The following GRID2IP variants were observed in gnomAD, a reference collection of about 807,000 sequenced individuals.
GRID2IP encodes delphilin.
Under a neutral mutation model 114.3 loss-of-function variants are expected in GRID2IP, and 78 were observed. The ratio of observed to expected loss-of-function variants is 0.68; its 90% CI spans 0.57 to 0.82. GRID2IP has a LOEUF of 0.82. Among genes scored for constraint, GRID2IP ranks in the 40% least tolerant of loss-of-function variants. The probability of loss-of-function intolerance (pLI) is 0.00; values close to 1 mark genes in which losing one functional copy is unlikely to be tolerated. For missense variants in GRID2IP, 1,727 were observed against 1,678.5 expected (o/e 1.03, Z -0.51); for synonymous variants, 809 against 724.0 (o/e 1.12, Z -1.89).
chr7:6,510,578 G>A, intron 10 of GRID2IP, 31 bp downstream of exon 10: 1 of 1,476,072 alleles, frequency 6.8e-7, no homozygotes, highest in Non-Finnish European at 9.1e-7. Context: ...GCCCCCTACT[G>A]ACCCCACGTG....
chr7:6,548,841 CAAA>C (rs60120996), intron 1 of GRID2IP, among the ~76,000 whole-genome samples: 7 of 106,032 alleles, frequency 6.6e-5, no homozygotes, highest in Admixed American at 9.7e-5. Flanking sequence ...GACTCTGCCT[CAAA>C]AAAAAAAAAA....
intron 2 of GRID2IP, among the ~76,000 whole-genome samples, chr7:6,529,242 GGA>G (rs1248756277): frequency 1.3e-5 from 2 of 152,144 alleles, no homozygotes; most frequent in African/African-American, 4.8e-5. Flanking sequence ...CCTGAGGTCA[GGA>G]GTTCGAGACC....
rs903301631 is a variant in GRID2IP at position 6,536,467 on chromosome 7, C to T, written c.584+3251G>A. Among the ~76,000 whole-genome samples the T allele has an allele frequency of 5.3e-5, 8 of 152,202 alleles. No individual in the cohort carries two copies. The highest frequency in any genetic ancestry group is 6.5e-5 in the Admixed American group (1 of 15,288). Reference sequence around the variant, plus strand: ...CAGCTGCCGGCGGCTTGGGGACCAGCGGCGGCTGGGAAAGGCGGGCATGGG... The same window carrying T: ...CAGCTGCCGGCGGCTTGGGGACCAGTGGCGGCTGGGAAAGGCGGGCATGGG... On this transcript the variant is annotated intron_variant, in intron 2 of 21. Transcript: ENST00000457091. This position sits in a 1 kb window ranked among gnomAD's most constrained non-coding sequence, Gnocchi z 5.3.
At position 6,508,945 on chromosome 7, in the gene GRID2IP, C is replaced by G; in HGVS notation, c.2127+13G>C. The G allele has an allele frequency of 1.3e-6, 2 of 1,542,692 alleles. No individual in the cohort carries two copies. The highest frequency in any genetic ancestry group is 1.7e-6 in the Non-Finnish European group (2 of 1,145,650). On this transcript the variant is annotated intron_variant, in intron 12 of 21. Coordinates refer to ENST00000457091, the MANE Select transcript of GRID2IP (RefSeq NM_001145118.2). This position sits in a 1 kb window ranked among gnomAD's most constrained non-coding sequence, Gnocchi z 5.6. ...CCTCACCCGCCTCCCTCCACACCTG[C>G]TTGCGTGCCCACCTCCTCGTAGTCG...
At chr7:6,515,774 ACT>A (rs1213658716) in intron 7 of GRID2IP, among the ~76,000 whole-genome samples, 1 of 151,544 alleles carries the variant, frequency 6.6e-6, no homozygotes, top group Non-Finnish European at 1.5e-5. Flanking sequence ...ACAGAGCGAG[ACT>A]CTGTCTCAAA....
intron 2 of GRID2IP, among the ~76,000 whole-genome samples, chr7:6,530,456 G>A (rs543304218): frequency 2.1e-4 from 31 of 150,532 alleles, no homozygotes; most frequent in African/African-American, 7.1e-4. Flanking sequence ...GTAGAGACGG[G>A]GTTTCACCAT....
chr7:6,509,416 G>C lies in GRID2IP; in HGVS notation c.1772-103C>G. On this transcript the variant is annotated intron_variant, in intron 11 of 21. Transcript: ENST00000457091. The surrounding 1 kb of genome is among the most constrained non-coding windows in gnomAD (Gnocchi z 4.9). The stretch of plus-strand genomic sequence containing the variant: ...AGGACAGACTGGCTCTGTGTCCCAG[G>C]CCACTCTCCTTTCCCTCTCTGGGCA... The C allele has an allele frequency of 9.4e-7, 1 of 1,065,102 alleles. No homozygotes were observed. 66.0% of individuals were successfully genotyped at this position (1,065,102 alleles called of 1,614,324 possible).
chr7:6,530,922 C>G, intron 2 of GRID2IP: 1 of 476,762 alleles, frequency 2.1e-6, no homozygotes, highest in South Asian at 3.2e-5. Flanking sequence ...GGGCCTCGGG[C>G]TCCGCCCAGG....
chr7:6,497,539 T>C lies in GRID2IP; in HGVS notation c.*235A>G, dbSNP rs1378551574. 1.6e-5 allele frequency: 7 copies of C among 440,924 alleles called. No homozygotes were observed. The highest frequency in any genetic ancestry group is 2.8e-5 in the Non-Finnish European group (7 of 247,458). The allele number at this position is 440,924 out of a possible 1,614,324, so 27.3% of individuals were successfully genotyped here. A position where few individuals can be genotyped will look rare whatever the true frequency, so the allele number is the denominator to read the frequency against. ...GAAGCCGACAGAGCACGGTCCTCCA[T>C]GTGCAGGCACACTCAGCACCTGCTC... On this transcript the variant is annotated 3_prime_UTR_variant, in exon 22 of 22. Transcript: ENST00000457091.
Position 6,526,746 on chromosome 7 carries a change from C to G in GRID2IP, c.608G>C (p.Arg203Pro). The G allele has an allele frequency of 6.6e-7, 1 of 1,524,308 alleles. No individual in the cohort carries two copies. Among genetic ancestry groups the G allele is most frequent in the South Asian group, 1.2e-5 (1 of 83,076 alleles). 94.4% of individuals were successfully genotyped at this position (1,524,308 alleles called of 1,614,324 possible). A position where few individuals can be genotyped will look rare whatever the true frequency, so the allele number is the denominator to read the frequency against. Residue 203 changes from arginine to proline, a missense_variant, in exon 3 of 22, where the codon CGG becomes CCG. By Grantham distance (103) the Arg-to-Pro change is moderately radical. Coordinates refer to ENST00000457091, the MANE Select transcript of GRID2IP (RefSeq NM_001145118.2). This position sits in a 1 kb window ranked among gnomAD's most constrained non-coding sequence, Gnocchi z 7.6. ...NLRIFIPKKH[R>P]ARFDEVVSQG... ...AGACACCACCTCGTCGAAGCGCGCC[C>G]GGTGCTTCTTGGGGATGAAGATCCT...
At chr7:6,503,197 C>G (rs1256240265) in intron 16 of GRID2IP, 34 bp from the exon 17 acceptor site, 2 of 1,476,150 alleles carry the variant, frequency 1.4e-6, no homozygotes. Context: ...TTCACCCATC[C>G]CCTTCCTGGG....
rs1779551580 is a variant in GRID2IP, at chr7:6,528,133, G to C, written c.585-1364C>G. Among the ~76,000 whole-genome samples, 1 of 151,998 alleles carries C rather than the reference G, an allele frequency of 6.6e-6. No individual in the cohort carries two copies. The highest frequency in any genetic ancestry group is 2.1e-4 in the South Asian group (1 of 4,818). On this transcript the variant is annotated intron_variant, in intron 2 of 21. Transcript: ENST00000457091. This position sits in a 1 kb window ranked among gnomAD's most constrained non-coding sequence, Gnocchi z 6.0. ...GCTGGTCTCAAACTCCTTGGCTCAA[G>C]TGATACTCCCACCTCCACTTCTCGA...
intron 15 of GRID2IP, among the ~76,000 whole-genome samples, chr7:6,504,275 G>T (rs1453470870): frequency 6.6e-6 from 1 of 151,374 alleles, no homozygotes; most frequent in Non-Finnish European, 1.5e-5. Flanking sequence ...GAGTTCGAGC[G>T]GGGGGAGAGG....
chr7:6,544,600 TA>T (rs1161869237), intron 1 of GRID2IP, among the ~76,000 whole-genome samples: 1 of 152,046 alleles, frequency 6.6e-6, no homozygotes, highest in African/African-American at 2.4e-5. Flanking sequence ...TCAGTATATC[TA>T]CTTCTCCATT....
chr7:6,531,305 G>A (rs1358103629), intron 2 of GRID2IP: 2 of 396,546 alleles, frequency 5.0e-6, no homozygotes, highest in Non-Finnish European at 8.9e-6. Flanking sequence ...TGCCCTGCTG[G>A]GACCCTTTTG....
chr7:6,529,628 G>A (rs972344043), intron 2 of GRID2IP, among the ~76,000 whole-genome samples: 1 of 152,184 alleles, frequency 6.6e-6, no homozygotes, highest in African/African-American at 2.4e-5. Context: ...ATGCAGCTCA[G>A]TCTGGCCCAG....
intron 1 of GRID2IP, among the ~76,000 whole-genome samples, chr7:6,548,235 C>T (rs1173430460): frequency 6.6e-6 from 1 of 152,062 alleles, no homozygotes; most frequent in African/African-American, 2.4e-5. Context: ...GGCCTGTAAT[C>T]CCAGCTCCTT....
rs929394836 is a variant in GRID2IP at position 6,534,862 on chromosome 7, A to T, written c.584+4856T>A. Among the ~76,000 whole-genome samples, 1 of 151,916 alleles carries T rather than the reference A, an allele frequency of 6.6e-6. No homozygotes were observed. The highest frequency in any genetic ancestry group is 6.6e-5 in the Admixed American group (1 of 15,238). Reference sequence around the variant, plus strand: ...CCCAAAGTAGCTGGGATTACTGGCAACTGCCATCATGCCCAGCTAATTTAT... The same window carrying T: ...CCCAAAGTAGCTGGGATTACTGGCATCTGCCATCATGCCCAGCTAATTTAT... On this transcript the variant is annotated intron_variant, in intron 2 of 21. Transcript: ENST00000457091. This position sits in a 1 kb window ranked among gnomAD's most constrained non-coding sequence, Gnocchi z 4.5.
Position 6,508,685 on chromosome 7 carries a change from G to C in GRID2IP, c.2127+273C>G, listed in dbSNP as rs1273139088. The stretch of plus-strand genomic sequence containing the variant: ...AAGGACAGGACCCTGTCACGGGTTA[G>C]CCTCAGGCTGTGAGTGGGATAGCCT... On this transcript the variant is annotated intron_variant, in intron 12 of 21. Coordinates refer to ENST00000457091, the MANE Select transcript of GRID2IP (RefSeq NM_001145118.2). This position sits in a 1 kb window ranked among gnomAD's most constrained non-coding sequence, Gnocchi z 5.6. Among the ~76,000 whole-genome samples the C allele has an allele frequency of 6.6e-6, 1 of 152,144 alleles. No homozygotes were observed. The highest frequency in any genetic ancestry group is 1.5e-5 in the Non-Finnish European group (1 of 68,010).
Sources: gnomAD v4.1 joint callset for allele counts (sites outside exome capture counted in the v4.1 genomes callset) on GRCh38, gnomAD v4.1.1 for gene constraint, Gnocchi (gnomAD v3.1) non-coding constraint, MANE v1.5 for transcripts, NCBI Gene and HGNC (gene_info 2026-07-23, HGNC 2026-07-21) for gene names.